The following ASB4 variants were observed in gnomAD, a reference collection of about 807,000 sequenced individuals.
The protein encoded by ASB4 is ankyrin repeat and SOCS box containing 4.
A neutral mutation model predicts 38.6 loss-of-function variants in ASB4; 35 were observed. The observed-to-expected ratio is 0.91, with a 90% CI of 0.69 to 1.20. The LOEUF (loss-of-function observed/expected upper bound fraction) is 1.20, where lower values mean the gene tolerates loss of function less well. ASB4 is among the 50% of genes most tolerant of loss of function. The pLI is 0.00. For missense variants in ASB4, 557 were observed against 527.2 expected (o/e 1.06, Z -0.55); for synonymous variants, 195 against 201.3 (o/e 0.97, Z 0.26).
the ASB4 span, among the ~76,000 whole-genome samples, chr7:95,547,495 C>T: frequency 0.02 from 2,971 of 152,230 alleles, 41 homozygotes; most frequent in Non-Finnish European, 0.025. Flanking sequence ...ATTGCTTAAT[C>T]GTGTTCCATC....
chr7:95,474,667 A>C (rs934387654), upstream of ASB4, among the ~76,000 whole-genome samples: 5 of 152,122 alleles, frequency 3.3e-5, no homozygotes, highest in African/African-American at 1.2e-4. Context: ...AACTACGGGC[A>C]CATGCCACCA....
At chr7:95,509,950 G>A (rs1790457747) in intron 2 of ASB4, among the ~76,000 whole-genome samples, 2 of 152,126 alleles carry the variant, frequency 1.3e-5, no homozygotes. Context: ...CTCCCACTGT[G>A]TCTTGCTGGA....
intron 2 of ASB4, among the ~76,000 whole-genome samples, chr7:95,523,841 G>A (rs1790697014): frequency 1.3e-5 from 2 of 152,056 alleles, no homozygotes; most frequent in Non-Finnish European, 2.9e-5. Flanking sequence ...TAATTACATG[G>A]AAATGCTTAT....
At position 95,515,226 on chromosome 7, in the gene ASB4, TTTC is replaced by T. The variant is rs796910885; in HGVS notation, c.488-12584_488-12582del. On this transcript the variant is annotated intron_variant, in intron 2 of 4. Transcript: ENST00000325885. The stretch of plus-strand genomic sequence containing the variant: ...CTTTCTTTCTTTCTTTCTTTCTTTC[TTTC>T]TTTTTCTTTCTTTCTTTCTTTCCTT... Among the ~76,000 whole-genome samples the T allele has an allele frequency of 3.9e-5, 5 of 128,062 alleles. No individual in the cohort carries two copies. The South Asian group carries it at 7.3e-4, about 19-fold the overall frequency. The allele number at this position is 128,062 out of a possible 152,430, so 84.0% of individuals were successfully genotyped here.
At chr7:95,504,873 T>G (rs1423737618) in intron 2 of ASB4, among the ~76,000 whole-genome samples, 1 of 152,174 alleles carries the variant, frequency 6.6e-6, no homozygotes, top group Non-Finnish European at 1.5e-5. Flanking sequence ...GTGAGTGAAC[T>G]TGAAATGAGT....
rs1278395662 is a variant in ASB4 at position 95,495,789 on chromosome 7, T to A, written c.219T>A (p.Ser73=). The change falls in exon 2 of 5, where the codon TCT becomes TCA. Residue 73 remains serine, a synonymous_variant. Coordinates refer to ENST00000325885, the MANE Select transcript of ASB4 (RefSeq NM_016116.3). The part of the protein sequence containing the change: ...GYWLPSYKLK[S]SWATGLHLSV... ...GGTTGCCTAGCTATAAATTGAAGTC[T>A]TCCTGGGCCACAGGCCTCCATCTCT... The A allele has an allele frequency of 1.2e-6, 2 of 1,612,726 alleles. No individual in the cohort carries two copies. Among genetic ancestry groups the A allele is most frequent in the East Asian group, 4.5e-5 (2 of 44,848 alleles).
rs1459594387 is a variant in ASB4 at position 95,528,494 on chromosome 7, T to C, written c.978+191T>C. On this transcript the variant is annotated intron_variant, in intron 3 of 4. Coordinates refer to ENST00000325885, the MANE Select transcript of ASB4 (RefSeq NM_016116.3). ...CATCCTAGTCTAGGTTTGCTTGAAATTGGGTGTGAGAGCTAGAATGAGAAA... is the reference window on the plus strand; with the variant it reads ...CATCCTAGTCTAGGTTTGCTTGAAACTGGGTGTGAGAGCTAGAATGAGAAA... 6.3e-6 allele frequency: 9 copies of C among 1,433,850 alleles called. No individual in the cohort carries two copies. The Admixed American group carries it at 2.6e-4, about 41-fold the overall frequency. The allele number at this position is 1,433,850 out of a possible 1,614,324, so 88.8% of individuals were successfully genotyped here.
intron 2 of ASB4, among the ~76,000 whole-genome samples, chr7:95,507,238 G>C (rs983366189): frequency 2.6e-5 from 4 of 151,656 alleles, no homozygotes; most frequent in Non-Finnish European, 4.4e-5. Context: ...CTTGAGATTG[G>C]TCAGATTCTC....
At chr7:95,492,792 C>G (rs1790190725) in intron 1 of ASB4, among the ~76,000 whole-genome samples, 1 of 152,120 alleles carries the variant, frequency 6.6e-6, no homozygotes, top group African/African-American at 2.4e-5. Flanking sequence ...ACTTCTTAGG[C>G]AGTTAGGAAA....
chr7:95,531,607 G>T (rs1790820722), intron 3 of ASB4, among the ~76,000 whole-genome samples: 1 of 152,190 alleles, frequency 6.6e-6, no homozygotes. Context: ...TTAAACATGT[G>T]TTGAGCAGGA....
Position 95,536,494 on chromosome 7 carries a change from G to A in ASB4, c.1036G>A (p.Glu346Lys), listed in dbSNP as rs1370441084. 6 of 1,613,466 alleles carry A rather than the reference G, an allele frequency of 3.7e-6. No individual in the cohort carries two copies. Among genetic ancestry groups the A allele is most frequent in the Non-Finnish European group, 5.1e-6 (6 of 1,179,482 alleles). ...AATTGAAGTTGTAGTCAATGCCTAT[G>A]AACACATCAGATGGAACACAAAGTG... ...KAIEVVVNAY[E>K]HIRWNTKWRR... Residue 346 changes from glutamate (E) to lysine (K), a missense_variant, in exon 4 of 5, where the codon GAA (glutamate) becomes AAA (lysine). Coordinates refer to ENST00000325885, the MANE Select transcript of ASB4 (RefSeq NM_016116.3).
At chr7:95,483,253 G>T (rs1441831580), upstream of ASB4, among the ~76,000 whole-genome samples, 1 of 152,166 alleles carries the variant, frequency 6.6e-6, no homozygotes, top group Non-Finnish European at 1.5e-5. Flanking sequence ...CACTCTTACT[G>T]CTGACTGCTA....
intron 2 of ASB4, among the ~76,000 whole-genome samples, chr7:95,515,181 CTTTCTT>C (rs1790543073): frequency 9.0e-6 from 1 of 110,866 alleles, no homozygotes; most frequent in South Asian, 3.0e-4. Context: ...TTCTTTCTTT[CTTTCTT>C]TCTTTCTTTC....
At chr7:95,507,799 T>C (rs1004133370) in intron 2 of ASB4, among the ~76,000 whole-genome samples, 4 of 152,114 alleles carry the variant, frequency 2.6e-5, no homozygotes, top group African/African-American at 9.7e-5. Context: ...GAAGAGAGTA[T>C]GTCAGGAAGG....
chr7:95,544,626 T>G (rs1425648375), downstream of ASB4: 2 of 152,206 alleles, frequency 1.3e-5, no homozygotes, highest in Admixed American at 6.5e-5. Context: ...GTCAATTTCT[T>G]TATTTAGGTA....
At chr7:95,519,376 G>A (rs979899245) in intron 2 of ASB4, among the ~76,000 whole-genome samples, 5 of 152,142 alleles carry the variant, frequency 3.3e-5, no homozygotes, top group African/African-American at 9.7e-5. Context: ...TAAATAATTC[G>A]TGCTGTGAGA....
chr7:95,526,533 G>A (rs1487392683), intron 2 of ASB4, among the ~76,000 whole-genome samples: 2 of 152,012 alleles, frequency 1.3e-5, no homozygotes, highest in Non-Finnish European at 2.9e-5. Context: ...CTGTGACACC[G>A]GCCCCAGCTA....
At chr7:95,517,878 A>C (rs1299145941) in intron 2 of ASB4, among the ~76,000 whole-genome samples, 1 of 152,168 alleles carries the variant, frequency 6.6e-6, no homozygotes, top group African/African-American at 2.4e-5. Flanking sequence ...TAAAAGGGAG[A>C]AAAGAGTTGC....
rs117717453 is a variant in ASB4, at chr7:95,538,191, C to T, written c.*432C>T. 1 of 154,440 alleles carries T rather than the reference C, an allele frequency of 6.5e-6. No individual in the cohort carries two copies. The highest frequency in any genetic ancestry group is 2.0e-4 in the South Asian group (1 of 4,930). 9.6% of individuals were successfully genotyped at this position (154,440 alleles called of 1,614,324 possible). A position where few individuals can be genotyped will look rare whatever the true frequency, so the allele number is the denominator to read the frequency against. On this transcript the variant is annotated 3_prime_UTR_variant, in exon 5 of 5. Transcript: ENST00000325885. ...ATTGGCCTCTTAAACTTGGTGTTTT[C>T]CCCCATTACCCCTTAGCAGTAATTA... is the stretch of plus-strand genomic sequence containing the variant.
Sources: gnomAD v4.1 joint callset for allele counts (sites outside exome capture counted in the v4.1 genomes callset) on GRCh38, gnomAD v4.1.1 for gene constraint, MANE v1.5 for transcripts, NCBI Gene and HGNC (gene_info 2026-07-23, HGNC 2026-07-21) for gene names.